Variants in NSG1 observed in about 807,000 individuals in gnomAD.
The protein encoded by NSG1 is neuronal vesicle trafficking-associated protein 1.
In NSG1, 9 loss-of-function variants were observed where a neutral mutation model predicts 19.3. The ratio of observed to expected loss-of-function variants is 0.47; its 90% CI spans 0.28 to 0.81. NSG1 has a LOEUF of 0.81. NSG1 is among the 40% of genes least tolerant of loss of function. The pLI is 0.11. For synonymous variants in NSG1, 104 were observed against 107.0 expected (o/e 0.97, Z 0.17); for missense variants, 236 against 242.4 (o/e 0.97, Z 0.18).
intron 3 of NSG1, among the ~76,000 whole-genome samples, chr4:4,401,387 C>T (rs1036164519): frequency 6.6e-5 from 10 of 152,108 alleles, no homozygotes; most frequent in East Asian, 1.9e-4. Context: ...TCTTTGTCGC[C>T]GGGCTCGTGT....
At chr4:4,401,850 G>C (rs1723561568) in intron 3 of NSG1, among the ~76,000 whole-genome samples, 1 of 152,002 alleles carries the variant, frequency 6.6e-6, no homozygotes, top group Non-Finnish European at 1.5e-5. Context: ...TCCAGGCTGG[G>C]TTCCTCAATA....
chr4:4,391,065 C>T (rs1228817450), intron 2 of NSG1, among the ~76,000 whole-genome samples: 2 of 152,282 alleles, frequency 1.3e-5, no homozygotes, highest in East Asian at 3.9e-4. Flanking sequence ...CTTCTTGTGC[C>T]CATGGTGGCA....
chr4:4,394,645 C>T (rs1157466294), intron 3 of NSG1, among the ~76,000 whole-genome samples: 2 of 152,188 alleles, frequency 1.3e-5, no homozygotes, highest in Admixed American at 6.5e-5. Context: ...TTTGTGCAGA[C>T]GGAACTTACT....
chr4:4,408,356 G>A (rs907008459), intron 3 of NSG1, among the ~76,000 whole-genome samples: 3 of 152,206 alleles, frequency 2.0e-5, no homozygotes, highest in Non-Finnish European at 4.4e-5. Context: ...CGGAGGCCCT[G>A]CCACGTGCTG....
chr4:4,399,264 C>G (rs1230839294), intron 3 of NSG1, among the ~76,000 whole-genome samples: 1 of 152,020 alleles, frequency 6.6e-6, no homozygotes, highest in East Asian at 1.9e-4. Flanking sequence ...CACCTCAGCC[C>G]CTGGAGTAGC....
At chr4:4,387,790 G>T in intron 2 of NSG1, 32 bp downstream of exon 2, 1 of 1,559,120 alleles carries the variant, frequency 6.4e-7, no homozygotes, top group Non-Finnish European at 8.8e-7. Flanking sequence ...CACGTTGCCG[G>T]GTGTGCACCC....
At chr4:4,394,813 C>A (rs1208064091) in intron 3 of NSG1, among the ~76,000 whole-genome samples, 3 of 152,214 alleles carry the variant, frequency 2.0e-5, no homozygotes, top group African/African-American at 7.2e-5. Flanking sequence ...TGGGTCTGCC[C>A]GTGGGTCCTT....
At chr4:4,404,833 C>T (rs1022280424) in intron 3 of NSG1, among the ~76,000 whole-genome samples, 5 of 152,094 alleles carry the variant, frequency 3.3e-5, no homozygotes, top group African/African-American at 1.2e-4. Flanking sequence ...ATTGGTGTCC[C>T]GATAGAGGCT....
At chr4:4,410,289 A>G (rs943505931) in intron 4 of NSG1, among the ~76,000 whole-genome samples, 2 of 152,238 alleles carry the variant, frequency 1.3e-5, no homozygotes, top group Admixed American at 6.5e-5. Flanking sequence ...AAAGCCCACA[A>G]GTGACATGCA....
At chr4:4,389,847 A>G (rs1418891653) in intron 2 of NSG1, among the ~76,000 whole-genome samples, 1 of 152,220 alleles carries the variant, frequency 6.6e-6, no homozygotes, top group Non-Finnish European at 1.5e-5. Flanking sequence ...TTTGCCAGAC[A>G]CTTATTCTGC....
chr4:4,414,442 G>A (rs1486094354), intron 4 of NSG1, among the ~76,000 whole-genome samples: 5 of 151,960 alleles, frequency 3.3e-5, no homozygotes, highest in East Asian at 1.9e-4. Flanking sequence ...TGTCCTTTCC[G>A]GAGAAGGCAC....
rs35928711 is a variant in NSG1, at chr4:4,409,635, C to T, written c.309C>T (p.Tyr103=). 2,430 of 1,614,178 alleles carry T rather than the reference C, an allele frequency of 1.5e-3. 31 individuals carry two copies. The African/African-American group carries it at 0.029, about 19-fold the overall frequency. Residue 103 remains tyrosine (Y), a synonymous_variant, in exon 4 of 5, where the codon TAC becomes TAT. Coordinates refer to ENST00000621129, the MANE Select transcript of NSG1 (RefSeq NM_014392.5). ...FLTCVVFLVV[Y]KVYKYDRACP... Reference sequence around the variant, plus strand: ...CCTGCGTCGTCTTCCTGGTTGTCTACAAGGTGTACAAGTATGACCGCGCCT... The same window carrying T: ...CCTGCGTCGTCTTCCTGGTTGTCTATAAGGTGTACAAGTATGACCGCGCCT...
chr4:4,387,561 C>CGGGCGG, intron 1 of NSG1, 43 bp from the exon 2 acceptor site: 2 of 1,141,988 alleles, frequency 1.8e-6, no homozygotes, highest in Non-Finnish European at 2.5e-6. Flanking sequence ...CGCCCCGCCC[C>CGGGCGG]GGGTCTTGCT....
intron 3 of NSG1, among the ~76,000 whole-genome samples, chr4:4,398,434 G>GTCAC (rs898636827): frequency 6.6e-6 from 1 of 150,782 alleles, no homozygotes; most frequent in African/African-American, 2.5e-5. Context: ...CCATTAAGCA[G>GTCAC]TCACTCCCAT....
At chr4:4,413,625 G>A (rs1374264774) in intron 4 of NSG1, among the ~76,000 whole-genome samples, 2 of 151,508 alleles carry the variant, frequency 1.3e-5, no homozygotes, top group Non-Finnish European at 1.5e-5. Flanking sequence ...TGCTGGTGGG[G>A]GGCTAGCCAC....
intron 2 of NSG1, among the ~76,000 whole-genome samples, chr4:4,389,670 G>T (rs1722903500): frequency 6.6e-6 from 1 of 152,150 alleles, no homozygotes; most frequent in Non-Finnish European, 1.5e-5. Context: ...GTTCAGGGAG[G>T]CGATGTCACC....
chr4:4,387,442 G>A (rs2108716184), intron 1 of NSG1, among the ~76,000 whole-genome samples, 162 bp from the exon 2 acceptor site: 1 of 152,144 alleles, frequency 6.6e-6, no homozygotes, highest in Non-Finnish European at 1.5e-5. Context: ...CCCGACCCCC[G>A]CATCGGGCCG....
At chr4:4,387,564 G>C in intron 1 of NSG1, 40 bp from the exon 2 acceptor site, 1 of 1,279,434 alleles carries the variant, frequency 7.8e-7, no homozygotes. Flanking sequence ...CCCGCCCCGG[G>C]TCTTGCTTGT....
intron 1 of NSG1, 43 bp from the exon 2 acceptor site, chr4:4,387,561 C>CGGGGGTGGGGGGT: frequency 8.8e-7 from 1 of 1,141,992 alleles, no homozygotes; most frequent in Non-Finnish European, 1.2e-6. Flanking sequence ...CGCCCCGCCC[C>CGGGGGTGGGGGGT]GGGTCTTGCT....
Sources: allele counts gnomAD v4.1 joint callset (sites outside exome capture counted in the v4.1 genomes callset), GRCh38; gene constraint gnomAD v4.1.1; transcripts MANE v1.5; gene names NCBI Gene and HGNC (gene_info 2026-07-23, HGNC 2026-07-21).